Variants in PPP1R12A observed in about 807,000 individuals in gnomAD.
PPP1R12A encodes the protein myosin binding subunit.
PPP1R12A carries 19 observed loss-of-function variants against 139.6 expected under a neutral mutation model. The ratio of observed to expected loss-of-function variants is 0.14; its 90% CI spans 0.09 to 0.20. The LOEUF (loss-of-function observed/expected upper bound fraction) is 0.20, where lower values mean the gene tolerates loss of function less well. Ranked by LOEUF, PPP1R12A falls within the 10% of genes least tolerant of loss-of-function variation. PPP1R12A has a pLI of 1.00. For synonymous variants in PPP1R12A, 427 were observed against 420.6 expected, an observed-to-expected ratio of 1.02 and a Z score of -0.19; for missense variants, 925 against 1,211.5, an observed-to-expected ratio of 0.76 and a Z score of 3.51.
Position 79,934,632 on chromosome 12 carries a change from G to A in PPP1R12A, c.237+63C>T, listed in dbSNP as rs1007524211. The A allele has an allele frequency of 9.9e-6, 14 of 1,409,012 alleles. No individual in the cohort carries two copies. In the African/African-American group the frequency reaches 1.7e-4, roughly 17 times the overall value. 87.3% of individuals were successfully genotyped at this position (1,409,012 alleles called of 1,614,324 possible). ...TCAAGAGGTGGAGAACTGAGGGCAGGCCCGAGCAGGAGGCCGACGAGAACC... is the reference window on the plus strand; with the variant it reads ...TCAAGAGGTGGAGAACTGAGGGCAGACCCGAGCAGGAGGCCGACGAGAACC... On this transcript the variant is annotated intron_variant, in intron 1 of 24. Transcript: ENST00000450142.
chr12:79,817,654 G>T (rs1032476803), intron 8 of PPP1R12A, 136 bp from the exon 9 acceptor site: 2 of 758,910 alleles, frequency 2.6e-6, no homozygotes, highest in South Asian at 2.1e-5. Flanking sequence ...ATTCCTTTTC[G>T]CAAGTCAGTT....
At chr12:79,877,287 A>G (rs1883200227) in intron 1 of PPP1R12A, among the ~76,000 whole-genome samples, 1 of 152,198 alleles carries the variant, frequency 6.6e-6, no homozygotes, top group African/African-American at 2.4e-5. Context: ...TCTTACATAT[A>G]ACAGATGATA....
intron 1 of PPP1R12A, among the ~76,000 whole-genome samples, chr12:79,890,887 CCACCCACCCACACCCACCCACA>C (rs1884527656): frequency 7.7e-6 from 1 of 129,172 alleles, no homozygotes; most frequent in South Asian, 2.5e-4. Context: ...TACACACACA[CCACCCACCCACACCCACCCACA>C]CACACACACA....
At position 79,781,796 on chromosome 12, in the gene PPP1R12A, TA is replaced by T. The variant is rs1176012968; in HGVS notation, c.2955+18del. The stretch of plus-strand genomic sequence containing the variant: ...AACAAGAAAGAAAAAAATAATTATT[TA>T]ATAAGTGGGACACTTACCCTTTTTT... On this transcript the variant is annotated intron_variant, in intron 23 of 24. Coordinates refer to ENST00000450142, the MANE Select transcript of PPP1R12A (RefSeq NM_002480.3). The T allele has an allele frequency of 7.0e-7, 1 of 1,424,230 alleles. No homozygotes were observed. The highest frequency in any genetic ancestry group is 2.4e-5 in the Admixed American group (1 of 41,482). The allele number at this position is 1,424,230 out of a possible 1,614,324, so 88.2% of individuals were successfully genotyped here. A position where few individuals can be genotyped will look rare whatever the true frequency, so the allele number is the denominator to read the frequency against.
At chr12:79,812,750 ACAC>A (rs1874768161) in intron 9 of PPP1R12A, among the ~76,000 whole-genome samples, 1 of 152,038 alleles carries the variant, frequency 6.6e-6, no homozygotes, top group Admixed American at 6.6e-5. Flanking sequence ...CTAAAATAAA[ACAC>A]CTTTACTTCC....
In PPP1R12A at chr12:79,805,783, G is replaced by A. The variant is rs756935192; in HGVS notation, c.1824-15C>T. On this transcript the variant is annotated splice_polypyrimidine_tract_variant and intron_variant, in intron 13 of 24. Transcript: ENST00000450142. ...GATTTGAGGTACTATAGCATCATAA[G>A]CAGCAACACAAAAAAGAGAAAAGGA... 18 of 1,596,844 alleles carry A rather than the reference G, an allele frequency of 1.1e-5. No individual in the cohort carries two copies. Among genetic ancestry groups the A allele is most frequent in the Admixed American group, 1.7e-5 (1 of 57,906 alleles).
At chr12:79,796,221 AT>A (rs1371070167) in intron 17 of PPP1R12A, among the ~76,000 whole-genome samples, 1 of 152,166 alleles carries the variant, frequency 6.6e-6, no homozygotes, top group Non-Finnish European at 1.5e-5. Context: ...TTTAGTACTT[AT>A]ATCTGATTTA....
intron 9 of PPP1R12A, among the ~76,000 whole-genome samples, chr12:79,816,012 CAA>C (rs1479430657): frequency 7.9e-5 from 12 of 151,524 alleles, no homozygotes; most frequent in African/African-American, 2.9e-4. Context: ...TTTATGATTT[CAA>C]AAAGATCTAT....
intron 19 of PPP1R12A, among the ~76,000 whole-genome samples, chr12:79,792,876 A>G (rs961011075): frequency 7.9e-5 from 12 of 152,204 alleles, no homozygotes; most frequent in African/African-American, 2.9e-4. Flanking sequence ...AGGCCTGCAA[A>G]TAATTTAACC....
intron 1 of PPP1R12A, among the ~76,000 whole-genome samples, chr12:79,889,858 G>A (rs1241334447): frequency 1.3e-5 from 2 of 152,122 alleles, no homozygotes; most frequent in South Asian, 2.1e-4. Flanking sequence ...GAAGGTCTGC[G>A]TCCTGACTCA....
At chr12:79,831,908 CTGTA>C (rs1244133792) in intron 4 of PPP1R12A, among the ~76,000 whole-genome samples, 1 of 152,056 alleles carries the variant, frequency 6.6e-6, no homozygotes, top group East Asian at 1.9e-4. Flanking sequence ...AAAAAGAAAA[CTGTA>C]TTTAAGATAA....
At chr12:79,850,917 C>T (rs116969894) in intron 2 of PPP1R12A, among the ~76,000 whole-genome samples, 1,654 of 152,264 alleles carry the variant, frequency 0.011, 68 homozygotes, top group East Asian at 0.095. Context: ...CCTGAGGCTT[C>T]CCCTGCCATG....
rs181009533 is a variant in PPP1R12A at position 79,927,700 on chromosome 12, A to G, written c.237+6995T>C. 3.9e-5 allele frequency among the ~76,000 whole-genome samples: 6 copies of G among 152,356 alleles called. No individual in the cohort carries two copies. In the East Asian group the frequency reaches 1.2e-3, roughly 29 times the overall value. On this transcript the variant is annotated intron_variant, in intron 1 of 24. Transcript: ENST00000450142. Reference sequence around the variant, plus strand: ...AGCTCTGCCATTTATTTTCTTGTTAACTTTGAGCAAGTGAAAAAGCATGTT... The same window carrying G: ...AGCTCTGCCATTTATTTTCTTGTTAGCTTTGAGCAAGTGAAAAAGCATGTT...
At chr12:79,924,091 T>A (rs1342706105) in intron 1 of PPP1R12A, among the ~76,000 whole-genome samples, 1 of 152,090 alleles carries the variant, frequency 6.6e-6, no homozygotes, top group Non-Finnish European at 1.5e-5. Flanking sequence ...ATGACCCATA[T>A]AAAAGCAAGA....
At position 79,790,449 on chromosome 12, in the gene PPP1R12A, AAAAT is replaced by A. The variant is rs1312894512; in HGVS notation, c.2666+14_2666+17del. On this transcript the variant is annotated intron_variant, in intron 20 of 24. Coordinates refer to ENST00000450142, the MANE Select transcript of PPP1R12A (RefSeq NM_002480.3). ...AAAATAAGAAAAAAATGTCAGTTAA[AAAAT>A]AAATAAAACATACCTAGAAATGGAA... The A allele has an allele frequency of 7.6e-7, 1 of 1,321,092 alleles. No individual in the cohort carries two copies. The highest frequency in any genetic ancestry group is 2.6e-5 in the East Asian group (1 of 38,668). 81.8% of individuals were successfully genotyped at this position (1,321,092 alleles called of 1,614,324 possible). A position where few individuals can be genotyped will look rare whatever the true frequency, so the allele number is the denominator to read the frequency against.
chr12:79,876,000 T>C (rs933721493), intron 1 of PPP1R12A, among the ~76,000 whole-genome samples: 3 of 152,226 alleles, frequency 2.0e-5, no homozygotes, highest in African/African-American at 4.8e-5. Context: ...GCTTCTTAAA[T>C]GCCACTTCAA....
rs927788234 is a variant in PPP1R12A at position 79,913,387 on chromosome 12, G to A, written c.237+21308C>T. On this transcript the variant is annotated intron_variant, in intron 1 of 24. Coordinates refer to ENST00000450142, the MANE Select transcript of PPP1R12A (RefSeq NM_002480.3). ...TATTTTTGTGTATGGTATAAGGTAC[G>A]GGGGAGATGAAGATGAACTTTTTCC... Among the ~76,000 whole-genome samples the A allele has an allele frequency of 6.6e-5, 10 of 152,270 alleles. No individual in the cohort carries two copies. In the East Asian group the frequency reaches 7.7e-4, roughly 12 times the overall value.
chr12:79,812,393 T>C (rs930156688), intron 9 of PPP1R12A, among the ~76,000 whole-genome samples: 1 of 145,776 alleles, frequency 6.9e-6, no homozygotes, highest in African/African-American at 2.7e-5. Flanking sequence ...TGTGTGTGCG[T>C]GTGTGTGTGT....
chr12:79,846,245 T>C (rs1210358286), intron 2 of PPP1R12A, among the ~76,000 whole-genome samples: 2 of 152,192 alleles, frequency 1.3e-5, no homozygotes, highest in Non-Finnish European at 1.5e-5. Flanking sequence ...TTCTGTGTAC[T>C]CTGTATTTTA....
Sources: allele counts gnomAD v4.1 joint callset (sites outside exome capture counted in the v4.1 genomes callset), GRCh38; gene constraint gnomAD v4.1.1; transcripts MANE v1.5; gene names NCBI Gene and HGNC (gene_info 2026-07-23, HGNC 2026-07-21).